Variants in NEURL1 observed in about 807,000 individuals in gnomAD.
The protein encoded by NEURL1 is neuralized E3 ubiquitin protein ligase 1, also known as E3 ubiquitin-protein ligase NEURL1.
NEURL1 carries 26 observed loss-of-function variants against 41.2 expected under a neutral mutation model. That is an observed-to-expected ratio of 0.63 (90% CI 0.46 to 0.87). The LOEUF (loss-of-function observed/expected upper bound fraction) is 0.87, where lower values mean the gene tolerates loss of function less well. Ranked by LOEUF, NEURL1 falls within the 40% of genes least tolerant of loss-of-function variation. The probability of loss-of-function intolerance (pLI) is 0.00; values close to 1 mark genes in which losing one functional copy is unlikely to be tolerated. For missense variants in NEURL1, 761 were observed against 871.1 expected (o/e 0.87, Z 1.59); for synonymous variants, 400 against 402.3 (o/e 0.99, Z 0.07).
In NEURL1 at chr10:103,571,568, G is replaced by A. The variant is rs535287090; in HGVS notation, c.395G>A (p.Arg132His). Reference sequence around the variant, plus strand: ...GGCTTCACCAGCAAGGACCCGTCCCGCATCCACCCTGACTCGCTGCCCAAG... The same window carrying A: ...GGCTTCACCAGCAAGGACCCGTCCCACATCCACCCTGACTCGCTGCCCAAG... The part of the protein sequence containing the change: ...RLGFTSKDPS[R>H]IHPDSLPKYA... Residue 132 changes from arginine (R) to histidine (H), a missense_variant, in exon 3 of 6, where the codon CGC (arginine) becomes CAC (histidine). Coordinates refer to ENST00000369780, the MANE Select transcript of NEURL1 (RefSeq NM_004210.5). The A allele has an allele frequency of 2.0e-5, 33 of 1,613,068 alleles. No homozygotes were observed. Among genetic ancestry groups the A allele is most frequent in the Admixed American group, 5.0e-5 (3 of 59,988 alleles).
intron 4 of NEURL1, 38 bp from the exon 5 acceptor site, chr10:103,589,475 AG>A: frequency 6.5e-7 from 1 of 1,548,190 alleles, no homozygotes; most frequent in Non-Finnish European, 8.7e-7. Context: ...TGGCCTGGGC[AG>A]GCAGCTAGTG....
chr10:103,582,530 G>A (rs771341997), intron 3 of NEURL1, among the ~76,000 whole-genome samples: 2 of 152,222 alleles, frequency 1.3e-5, no homozygotes, highest in Non-Finnish European at 2.9e-5. Context: ...GCTTCAGGAG[G>A]CTTGGGGGGA....
intron 1 of NEURL1, among the ~76,000 whole-genome samples, chr10:103,561,416 C>T (rs954898098): frequency 6.6e-6 from 1 of 152,176 alleles, no homozygotes; most frequent in African/African-American, 2.4e-5. Flanking sequence ...TGCCCGCCAC[C>T]ATACCTGGCT....
chr10:103,495,581 G>A (rs1213379425), intron 1 of NEURL1, among the ~76,000 whole-genome samples: 2 of 152,150 alleles, frequency 1.3e-5, no homozygotes, highest in African/African-American at 2.4e-5. Flanking sequence ...AGACCTCGGC[G>A]CTAGGTGCTA....
intron 1 of NEURL1, among the ~76,000 whole-genome samples, chr10:103,547,971 C>T (rs1054666398): frequency 3.9e-5 from 6 of 152,102 alleles, no homozygotes; most frequent in Non-Finnish European, 5.9e-5. Context: ...AGTCTCGTTG[C>T]CTGCCCTTCC....
chr10:103,552,555 A>G (rs957133248), intron 1 of NEURL1, among the ~76,000 whole-genome samples: 4 of 152,116 alleles, frequency 2.6e-5, no homozygotes, highest in Non-Finnish European at 4.4e-5. Context: ...GCCTCCCAGA[A>G]CCTTGCTCCT....
At chr10:103,509,678 G>A (rs2034027429) in intron 1 of NEURL1, among the ~76,000 whole-genome samples, 1 of 152,258 alleles carries the variant, frequency 6.6e-6, no homozygotes, top group Non-Finnish European at 1.5e-5. Flanking sequence ...AGGCCAGATC[G>A]GCTTTTGAAG....
At chr10:103,494,582 C>A in intron 1 of NEURL1, 110 bp downstream of exon 1, 1 of 956,090 alleles carries the variant, frequency 1.0e-6, no homozygotes, top group Non-Finnish European at 1.5e-6. Flanking sequence ...GTCTGGAGGC[C>A]GGAGATGCAC....
At chr10:103,574,258 A>G (rs1370009344) in intron 3 of NEURL1, among the ~76,000 whole-genome samples, 1 of 152,236 alleles carries the variant, frequency 6.6e-6, no homozygotes, top group Non-Finnish European at 1.5e-5. Context: ...GCAAGCGCTC[A>G]GGGCACAACC....
At chr10:103,517,905 T>C (rs1740512975) in intron 1 of NEURL1, among the ~76,000 whole-genome samples, 1 of 152,242 alleles carries the variant, frequency 6.6e-6, no homozygotes, top group Non-Finnish European at 1.5e-5. Flanking sequence ...TCTGCTCCCG[T>C]GGGCCTCACC....
At chr10:103,506,791 C>A (rs1435617095) in intron 1 of NEURL1, among the ~76,000 whole-genome samples, 2 of 152,212 alleles carry the variant, frequency 1.3e-5, no homozygotes, top group Non-Finnish European at 2.9e-5. Context: ...AACTCCTGAC[C>A]TCAAGTGATC....
chr10:103,537,013 C>T (rs896815310), intron 1 of NEURL1, among the ~76,000 whole-genome samples: 1 of 152,166 alleles, frequency 6.6e-6, no homozygotes, highest in Non-Finnish European at 1.5e-5. Flanking sequence ...TGGAATCATA[C>T]AGTATTTGGT....
chr10:103,589,380 C>G, intron 4 of NEURL1, 134 bp from the exon 5 acceptor site: 1 of 976,730 alleles, frequency 1.0e-6, no homozygotes. Flanking sequence ...CCGCGCCAGC[C>G]TGCAAAATCC....
At chr10:103,535,675 G>T (rs2034676377) in intron 1 of NEURL1, among the ~76,000 whole-genome samples, 1 of 152,148 alleles carries the variant, frequency 6.6e-6, no homozygotes, top group Non-Finnish European at 1.5e-5. Context: ...TGTTTAGGAG[G>T]CAGGGTACCT....
At chr10:103,511,616 T>TA (rs2034073595) in intron 1 of NEURL1, among the ~76,000 whole-genome samples, 1 of 152,230 alleles carries the variant, frequency 6.6e-6, no homozygotes, top group African/African-American at 2.4e-5. Context: ...AAATATTAGC[T>TA]ATGGTTGCCA....
At chr10:103,539,096 A>G (rs1457993548) in intron 1 of NEURL1, among the ~76,000 whole-genome samples, 2 of 151,852 alleles carry the variant, frequency 1.3e-5, no homozygotes, top group Non-Finnish European at 2.9e-5. Flanking sequence ...ACAGGCATAC[A>G]CCACCATACT....
intron 1 of NEURL1, among the ~76,000 whole-genome samples, chr10:103,525,502 C>T (rs1032345488): frequency 5.3e-5 from 8 of 151,602 alleles, no homozygotes; most frequent in Admixed American, 6.6e-5. Context: ...TACAGGTGTG[C>T]GCTACAATGC....
At chr10:103,549,896 G>T (rs1330291438) in intron 1 of NEURL1, among the ~76,000 whole-genome samples, 1 of 152,222 alleles carries the variant, frequency 6.6e-6, no homozygotes, top group African/African-American at 2.4e-5. Context: ...CACCCACTGT[G>T]TGGCCTTGGC....
At position 103,590,120 on chromosome 10, in the gene NEURL1, C is replaced by A; in HGVS notation, c.1487-14C>A. On this transcript the variant is annotated splice_polypyrimidine_tract_variant and intron_variant, in intron 5 of 5. Coordinates refer to ENST00000369780, the MANE Select transcript of NEURL1 (RefSeq NM_004210.5). ...GGCCATGTCTCCTCCTGACTGGTGC[C>A]CCCTTGTCCTCAGGGACAGCCCCCA... 6.2e-7 allele frequency: 1 copy of A among 1,612,202 alleles called. No individual in the cohort carries two copies. The highest frequency in any genetic ancestry group is 1.3e-5 in the African/African-American group (1 of 75,020).
Sources: allele counts gnomAD v4.1 joint callset (sites outside exome capture counted in the v4.1 genomes callset), GRCh38; gene constraint gnomAD v4.1.1; transcripts MANE v1.5; gene names NCBI Gene and HGNC (gene_info 2026-07-23, HGNC 2026-07-21).